TKFC: variants seen among roughly 807,000 people sequenced by gnomAD.
TKFC encodes triokinase and FMN cyclase.
In TKFC, 46 loss-of-function variants were observed where a neutral mutation model predicts 61.0. That is an observed-to-expected ratio of 0.75 (90% CI 0.60 to 0.96). The LOEUF (loss-of-function observed/expected upper bound fraction) is 0.96. TKFC is among the 50% of genes least tolerant of loss of function. The pLI is 0.00. For missense variants in TKFC, 715 were observed against 777.5 expected, an observed-to-expected ratio of 0.92 and a Z score of 0.96; for synonymous variants, 314 against 330.1, an observed-to-expected ratio of 0.95 and a Z score of 0.53.
intron 5 of TKFC, 103 bp downstream of exon 5, chr11:61,339,538 T>TA (rs1856770045): frequency 7.5e-7 from 1 of 1,325,304 alleles, no homozygotes; most frequent in Non-Finnish European, 1.0e-6. Flanking sequence ...CCCAAGAAGC[T>TA]AGTTCTTTTT....
Position 61,346,326 on chromosome 11 carries a change from C to A in TKFC, c.1576-25C>A. The A allele has an allele frequency of 1.9e-6, 3 of 1,611,448 alleles. No individual in the cohort carries two copies. Among genetic ancestry groups the A allele is most frequent in the Non-Finnish European group, 2.5e-6 (3 of 1,179,978 alleles). On this transcript the variant is annotated intron_variant, in intron 17 of 17. Transcript: ENST00000394900. The surrounding 1 kb of genome is among the most constrained non-coding windows in gnomAD (Gnocchi z 4.1). The stretch of plus-strand genomic sequence containing the variant: ...GGCGGCCTGGTGATCTGCCCTTGAA[C>A]CTGCTCCCACACCCCATCCCCCAGA...
At chr11:61,349,914 T>C (rs1857319302), downstream of TKFC, 2 of 509,652 alleles carry the variant, frequency 3.9e-6, no homozygotes, top group Non-Finnish European at 3.6e-6. Flanking sequence ...CCCTCATGTT[T>C]CACACCGTGG....
chr11:61,351,752 C>G (rs1857421322), downstream of TKFC: 1 of 152,114 alleles, frequency 6.6e-6, no homozygotes, highest in Admixed American at 6.5e-5. Flanking sequence ...CCTGTCTCTA[C>G]AAAAATAAAA....
At chr11:61,353,064 C>T (rs116452340), downstream of TKFC, 1,081 of 1,614,114 alleles carry the variant, frequency 6.7e-4, 11 homozygotes, top group African/African-American at 0.013. Context: ...CCAAAAAAGA[C>T]GTGGATAGGT....
At position 61,340,423 on chromosome 11, in the gene TKFC, C is replaced by A. The variant is rs55904656; in HGVS notation, c.486+988C>A. Among the ~76,000 whole-genome samples, 2 of 4,730 alleles carry A rather than the reference C, an allele frequency of 4.2e-4. 1 individual carries two copies. The highest frequency in any genetic ancestry group is 4.7e-4 in the African/African-American group (2 of 4,236). 3.1% of individuals were successfully genotyped at this position (4,730 alleles called of 152,430 possible). A position where few individuals can be genotyped will look rare whatever the true frequency, so the allele number is the denominator to read the frequency against. On this transcript the variant is annotated intron_variant, in intron 5 of 17. Transcript: ENST00000394900. ...ACTGCGGACTGCAGTGGCGCAATCT[C>A]GGCTCACTGCAAGCTCCGCTTCCCG...
rs1032246921 is a variant in TKFC at position 61,347,422 on chromosome 11, G to T, written c.*919G>T. On this transcript the variant is annotated 3_prime_UTR_variant, in exon 18 of 18. Transcript: ENST00000394900. ...CCAGGCATAGTAGTGTGTGCCTATAGTCCTAACTTGGGAGGCTGAGTTGGG... is the reference window on the plus strand; with the variant it reads ...CCAGGCATAGTAGTGTGTGCCTATATTCCTAACTTGGGAGGCTGAGTTGGG... 3.3e-6 allele frequency: 3 copies of T among 895,984 alleles called. No homozygotes were observed. Among genetic ancestry groups the T allele is most frequent in the Non-Finnish European group, 4.0e-6 (3 of 748,686 alleles). 55.5% of individuals were successfully genotyped at this position (895,984 alleles called of 1,614,324 possible).
chr11:61,343,771 AC>A (rs1856978253), intron 11 of TKFC, 84 bp from the exon 12 acceptor site: 1 of 1,532,702 alleles, frequency 6.5e-7, no homozygotes, highest in South Asian at 1.2e-5. Flanking sequence ...AAGCCAGGCC[AC>A]CAGGGTCAGG....
intron 7 of TKFC, 43 bp downstream of exon 7, chr11:61,341,955 C>A (rs1048739852): frequency 6.3e-7 from 1 of 1,577,032 alleles, no homozygotes; most frequent in Non-Finnish European, 8.7e-7. Flanking sequence ...TGCTCCTTGG[C>A]CCTGGACTTT....
Position 61,346,856 on chromosome 11 carries a change from T to C in TKFC, c.*353T>C. On this transcript the variant is annotated 3_prime_UTR_variant, in exon 18 of 18. Coordinates refer to ENST00000394900, the MANE Select transcript of TKFC (RefSeq NM_015533.4). The surrounding 1 kb of genome is among the most constrained non-coding windows in gnomAD (Gnocchi z 4.1). Reference sequence around the variant, plus strand: ...TTTTAAGACTCCCTGTGAAATGCTTTCCGCACCTTAACCCCAGTGAGCGTG... The same window carrying C: ...TTTTAAGACTCCCTGTGAAATGCTTCCCGCACCTTAACCCCAGTGAGCGTG... The C allele has an allele frequency of 1.9e-6, 2 of 1,045,200 alleles. No homozygotes were observed. The highest frequency in any genetic ancestry group is 2.3e-6 in the Non-Finnish European group (2 of 868,414). 64.7% of individuals were successfully genotyped at this position (1,045,200 alleles called of 1,614,324 possible).
At position 61,346,634 on chromosome 11, in the gene TKFC, C is replaced by G. The variant is rs1590583867; in HGVS notation, c.*131C>G. Reference sequence around the variant, plus strand: ...CCATTGGCCCACCCTCTAAGTTGAGCAGGAAATCCTCCACCAAGCTTCCAG... The same window carrying G: ...CCATTGGCCCACCCTCTAAGTTGAGGAGGAAATCCTCCACCAAGCTTCCAG... On this transcript the variant is annotated 3_prime_UTR_variant, in exon 18 of 18. Transcript: ENST00000394900. The surrounding 1 kb of genome is among the most constrained non-coding windows in gnomAD (Gnocchi z 4.1). 1 of 1,477,220 alleles carries G rather than the reference C, an allele frequency of 6.8e-7. No individual in the cohort carries two copies. Among genetic ancestry groups the G allele is most frequent in the Non-Finnish European group, 8.9e-7 (1 of 1,120,324 alleles). 91.5% of individuals were successfully genotyped at this position (1,477,220 alleles called of 1,614,324 possible). A position where few individuals can be genotyped will look rare whatever the true frequency, so the allele number is the denominator to read the frequency against.
chr11:61,342,370 T>C, intron 7 of TKFC, 91 bp from the exon 8 acceptor site: 1 of 1,531,534 alleles, frequency 6.5e-7, no homozygotes. Context: ...CCACTTACTG[T>C]GTGAGTCCAG....
At chr11:61,337,865 A>G in intron 2 of TKFC, 76 bp from the exon 3 acceptor site, 2 of 1,428,412 alleles carry the variant, frequency 1.4e-6, no homozygotes, top group Non-Finnish European at 9.4e-7. Flanking sequence ...GGTCTACACC[A>G]CAGCAGTGTG....
chr11:61,341,830 G>A lies in TKFC; in HGVS notation c.573G>A (p.Leu191=). ...VNVVAKAMGT[L]GVSLSSCSVP... is the part of the protein sequence containing the mutation. The stretch of plus-strand genomic sequence containing the variant: ...ATGCCTTGTTTCTCATAGGTACCCT[G>A]GGGGTGAGCTTATCCTCCTGCAGCG... The change falls in exon 7 of 18, where the codon CTG becomes CTA. Residue 191 remains leucine, a synonymous_variant. Coordinates refer to ENST00000394900, the MANE Select transcript of TKFC (RefSeq NM_015533.4). 1.9e-6 allele frequency: 3 copies of A among 1,613,852 alleles called. No homozygotes were observed. Among genetic ancestry groups the A allele is most frequent in the Non-Finnish European group, 2.5e-6 (3 of 1,179,800 alleles).
downstream of TKFC, chr11:61,349,705 G>A: frequency 2.9e-6 from 2 of 699,646 alleles, no homozygotes; most frequent in Non-Finnish European, 5.2e-6. Context: ...ATACGAAACA[G>A]AACAGCTCAG....
At position 61,347,815 on chromosome 11, in the gene TKFC, C is replaced by A; in HGVS notation, c.*1312C>A. ...TCTGTAAAATCAGAATGGTACCCAC[C>A]TCATGGGGACATGAAAGGATTCAAA... On this transcript the variant is annotated 3_prime_UTR_variant, in exon 18 of 18. Coordinates refer to ENST00000394900, the MANE Select transcript of TKFC (RefSeq NM_015533.4). The A allele has an allele frequency of 1.0e-6, 1 of 973,674 alleles. No individual in the cohort carries two copies. The highest frequency in any genetic ancestry group is 1.2e-6 in the Non-Finnish European group (1 of 819,234). The allele number at this position is 973,674 out of a possible 1,614,324, so 60.3% of individuals were successfully genotyped here. A position where few individuals can be genotyped will look rare whatever the true frequency, so the allele number is the denominator to read the frequency against.
intron 2 of TKFC, among the ~76,000 whole-genome samples, chr11:61,337,660 A>G (rs1435000750): frequency 6.6e-6 from 1 of 152,146 alleles, no homozygotes; most frequent in Non-Finnish European, 1.5e-5. Context: ...ACTGCAGGCA[A>G]CCACTCCCCC....
intron 2 of TKFC, among the ~76,000 whole-genome samples, chr11:61,336,955 C>G (rs1222999676): frequency 1.3e-5 from 2 of 152,170 alleles, no homozygotes; most frequent in African/African-American, 4.8e-5. Context: ...TTTCCCTCCT[C>G]CCATGTCTCC....
intron 5 of TKFC, among the ~76,000 whole-genome samples, chr11:61,339,803 T>C (rs1856780726): frequency 6.6e-6 from 1 of 152,160 alleles, no homozygotes. Context: ...GCCTGCTTCC[T>C]GCCTTCTGGC....
At chr11:61,338,375 G>A (rs1350106513) in intron 3 of TKFC, among the ~76,000 whole-genome samples, 1 of 152,284 alleles carries the variant, frequency 6.6e-6, no homozygotes, top group African/African-American at 2.4e-5. Flanking sequence ...AGCTCTGAGA[G>A]TCGGTGATTC....
Sources: gnomAD v4.1 joint callset for allele counts (sites outside exome capture counted in the v4.1 genomes callset) on GRCh38, gnomAD v4.1.1 for gene constraint, Gnocchi (gnomAD v3.1) non-coding constraint, MANE v1.5 for transcripts, NCBI Gene and HGNC (gene_info 2026-07-23, HGNC 2026-07-21) for gene names.